GALNT17: variants seen among roughly 807,000 people sequenced by gnomAD.
The protein encoded by GALNT17 is UDP-GalNAc:polypeptide N-acetylgalactosaminyltransferase-like 3.
A neutral mutation model predicts 63.7 loss-of-function variants in GALNT17; 29 were observed. The observed-to-expected ratio is 0.46, with a 90% confidence interval of 0.34 to 0.62. The LOEUF is 0.62. Ranked by LOEUF, GALNT17 falls within the 20% of genes least tolerant of loss-of-function variation. The pLI, the probability that GALNT17 is intolerant of heterozygous loss-of-function variation, is 0.01. For missense variants in GALNT17, 603 were observed against 799.6 expected (o/e 0.75, Z 2.97); for synonymous variants, 305 against 318.3 (o/e 0.96, Z 0.45).
At chr7:71,392,468 G>A (rs1343046326) in intron 3 of GALNT17, among the ~76,000 whole-genome samples, 3 of 152,202 alleles carry the variant, frequency 2.0e-5, no homozygotes, top group Admixed American at 6.5e-5. Context: ...CCACCCTGGA[G>A]GAAGTTCTGC....
intron 5 of GALNT17, among the ~76,000 whole-genome samples, chr7:71,445,077 G>T (rs1279139963): frequency 6.6e-6 from 1 of 152,064 alleles, no homozygotes; most frequent in Non-Finnish European, 1.5e-5. Flanking sequence ...GGGTCTCAGT[G>T]GTGCAGATGC....
chr7:71,418,095 A>G (rs1786575691), intron 4 of GALNT17, among the ~76,000 whole-genome samples: 1 of 152,190 alleles, frequency 6.6e-6, no homozygotes, highest in African/African-American at 2.4e-5. Flanking sequence ...TTCAGTGGTA[A>G]GGCTGGAAGA....
At chr7:71,232,607 A>G (rs949089029) in intron 1 of GALNT17, among the ~76,000 whole-genome samples, 1 of 152,196 alleles carries the variant, frequency 6.6e-6, no homozygotes, top group Admixed American at 6.5e-5. Context: ...AGAGTGAGCC[A>G]GTAGTAGAAG....
intron 1 of GALNT17, among the ~76,000 whole-genome samples, chr7:71,167,026 A>G (rs1489941427): frequency 1.3e-5 from 2 of 151,008 alleles, no homozygotes; most frequent in African/African-American, 4.9e-5. Flanking sequence ...AGTTACACAC[A>G]ACCATGCCTG....
At chr7:71,642,463 T>C (rs1043123673) in intron 6 of GALNT17, among the ~76,000 whole-genome samples, 7 of 152,190 alleles carry the variant, frequency 4.6e-5, no homozygotes, top group Non-Finnish European at 1.5e-5. Context: ...CAGAATGTGC[T>C]GCAGATTCAT....
chr7:71,254,102 G>A lies in GALNT17; in HGVS notation c.239-81448G>A, dbSNP rs112405022. ...GCATTGGCACTGTCCTGAAAGGCAG[G>A]ACCACTCAAAGCTGAGGAGAGCTTC... On this transcript the variant is annotated intron_variant, in intron 1 of 10. Coordinates refer to ENST00000333538, the MANE Select transcript of GALNT17 (RefSeq NM_022479.3). Among the ~76,000 whole-genome samples, 665 of 152,262 alleles carry A rather than the reference G, an allele frequency of 4.4e-3. 6 individuals are homozygous for A. Among genetic ancestry groups the A allele is most frequent in the African/African-American group, 0.015 (625 of 41,560 alleles).
chr7:71,305,480 C>T (rs532658611), intron 1 of GALNT17, among the ~76,000 whole-genome samples: 1 of 152,172 alleles, frequency 6.6e-6, no homozygotes, highest in Non-Finnish European at 1.5e-5. Context: ...CCCGGAAATT[C>T]AGAGTAGTGA....
chr7:71,254,529 T>C (rs925008489), intron 1 of GALNT17, among the ~76,000 whole-genome samples: 5 of 152,228 alleles, frequency 3.3e-5, no homozygotes, highest in African/African-American at 1.2e-4. Context: ...GCAAAGAATC[T>C]TTTTTGTCAG....
At chr7:71,253,693 G>T (rs1426996837) in intron 1 of GALNT17, among the ~76,000 whole-genome samples, 1 of 151,934 alleles carries the variant, frequency 6.6e-6, no homozygotes, top group Non-Finnish European at 1.5e-5. Flanking sequence ...AAATAACTGA[G>T]ACTCGAGTCA....
chr7:71,203,512 TGTTCAA>T (rs1231398091), intron 1 of GALNT17, among the ~76,000 whole-genome samples: 1 of 152,252 alleles, frequency 6.6e-6, no homozygotes, highest in Non-Finnish European at 1.5e-5. Flanking sequence ...GCTCTTGAGC[TGTTCAA>T]GTTCCTTATA....
intron 1 of GALNT17, among the ~76,000 whole-genome samples, chr7:71,237,364 G>A (rs1418906657): frequency 6.6e-6 from 1 of 151,878 alleles, no homozygotes; most frequent in Non-Finnish European, 1.5e-5. Flanking sequence ...GCCTGGGACG[G>A]AACAGGAAGA....
chr7:71,174,362 A>G (rs1788599143), intron 1 of GALNT17, among the ~76,000 whole-genome samples: 1 of 152,184 alleles, frequency 6.6e-6, no homozygotes, highest in South Asian at 2.1e-4. Flanking sequence ...AGGGGTCTGC[A>G]CATGGTTAGG....
intron 5 of GALNT17, among the ~76,000 whole-genome samples, chr7:71,545,209 G>A (rs1438716408): frequency 4.6e-5 from 7 of 151,948 alleles, no homozygotes; most frequent in African/African-American, 1.4e-4. Flanking sequence ...TGTGTTGTAA[G>A]CTCTAAAGAC....
At chr7:71,661,670 C>T (rs1790909157) in intron 6 of GALNT17, among the ~76,000 whole-genome samples, 1 of 152,182 alleles carries the variant, frequency 6.6e-6, no homozygotes, top group African/African-American at 2.4e-5. Context: ...AGCAGGATTC[C>T]AGGGCAGGCA....
At chr7:71,156,216 T>C (rs1301356719) in intron 1 of GALNT17, among the ~76,000 whole-genome samples, 3 of 151,342 alleles carry the variant, frequency 2.0e-5, no homozygotes, top group Admixed American at 2.0e-4. Context: ...AAAAAATTCA[T>C]TCTTAACTTG....
intron 9 of GALNT17, among the ~76,000 whole-genome samples, chr7:71,708,285 A>G (rs1187309880): frequency 6.6e-6 from 1 of 152,154 alleles, no homozygotes; most frequent in Non-Finnish European, 1.5e-5. Flanking sequence ...AGGCCTCGCA[A>G]TCATGTTGGA....
chr7:71,362,528 A>G (rs1280362262), intron 2 of GALNT17, among the ~76,000 whole-genome samples: 3 of 152,218 alleles, frequency 2.0e-5, no homozygotes, highest in Admixed American at 6.5e-5. Context: ...GCTTCCTGCA[A>G]ATATCAAGAT....
intron 9 of GALNT17, among the ~76,000 whole-genome samples, chr7:71,700,305 C>CA (rs60522666): frequency 0.16 from 21,814 of 134,502 alleles, 1,995 homozygotes; most frequent in Non-Finnish European, 0.23. Context: ...GAGACTTTCT[C>CA]AAAAAAAAAA....
chr7:71,222,888 T>TA (rs1226861991), intron 1 of GALNT17, among the ~76,000 whole-genome samples: 7 of 152,074 alleles, frequency 4.6e-5, no homozygotes, highest in African/African-American at 1.7e-4. Flanking sequence ...CTGGACAACA[T>TA]AGCCAGACCC....
Sources: gnomAD v4.1 joint callset for allele counts (sites outside exome capture counted in the v4.1 genomes callset) on GRCh38, gnomAD v4.1.1 for gene constraint, MANE v1.5 for transcripts, NCBI Gene and HGNC (gene_info 2026-07-23, HGNC 2026-07-21) for gene names.